ITPK1: variants seen among roughly 807,000 people sequenced by gnomAD.
ITPK1 encodes the protein inositol-tetrakisphosphate 1-kinase.
ITPK1 carries 21 observed loss-of-function variants against 45.3 expected under a neutral mutation model. The ratio of observed to expected loss-of-function variants is 0.46; its 90% CI spans 0.33 to 0.67. The LOEUF is 0.67. Among genes scored for constraint, ITPK1 ranks in the 30% least tolerant of loss-of-function variants. ITPK1 has a pLI of 0.02. For missense variants in ITPK1, 474 were observed against 573.5 expected, an observed-to-expected ratio of 0.83 and a Z score of 1.77; for synonymous variants, 258 against 253.6, an observed-to-expected ratio of 1.02 and a Z score of -0.16.
rs909648539 is a variant in ITPK1 at position 92,958,639 on chromosome 14, T to C, written c.505-273A>G. 2.6e-5 allele frequency among the ~76,000 whole-genome samples: 4 copies of C among 152,176 alleles called. No homozygotes were observed. The highest frequency in any genetic ancestry group is 2.0e-4 in the Admixed American group (3 of 15,288). ...AGCTGGCTGTGCACTGCACAACTTC[T>C]GAGAGCGTGACACCACTTGTCGCAC... On this transcript the variant is annotated intron_variant, in intron 7 of 10. Coordinates refer to ENST00000267615, the MANE Select transcript of ITPK1 (RefSeq NM_014216.6). This position sits in a 1 kb window ranked among gnomAD's most constrained non-coding sequence, Gnocchi z 4.4.
chr14:92,951,853 G>GGA, intron 9 of ITPK1, 93 bp downstream of exon 9: 1 of 981,534 alleles, frequency 1.0e-6, no homozygotes, highest in Admixed American at 2.0e-5. Context: ...CCCTGCTGGA[G>GGA]AGCTTGGCCA....
Position 92,993,028 on chromosome 14 carries a change from G to A in ITPK1, c.364+852C>T, listed in dbSNP as rs531843830. On this transcript the variant is annotated intron_variant, in intron 5 of 10. Coordinates refer to ENST00000267615, the MANE Select transcript of ITPK1 (RefSeq NM_014216.6). ...CCAAATGGTACCCACTGGTCCCACC[G>A]GTCACCATCACAGGAAATTATGCCC... Among the ~76,000 whole-genome samples the A allele has an allele frequency of 1.3e-4, 20 of 152,308 alleles. No individual in the cohort carries two copies. In the East Asian group the frequency reaches 3.5e-3, roughly 26 times the overall value.
intron 3 of ITPK1, among the ~76,000 whole-genome samples, chr14:93,042,833 C>T (rs1432318607): frequency 6.6e-6 from 1 of 152,130 alleles, no homozygotes; most frequent in African/African-American, 2.4e-5. Flanking sequence ...ACCTGAGCAA[C>T]ATGGTGAAAC....
chr14:93,072,029 C>A (rs1391840749), intron 3 of ITPK1: 2 of 151,628 alleles, frequency 1.3e-5, no homozygotes, highest in African/African-American at 2.4e-5. Flanking sequence ...CGCAGTGGTT[C>A]ACGCCTGTAA....
intron 2 of ITPK1, among the ~76,000 whole-genome samples, chr14:93,077,319 C>T (rs1172682528): frequency 2.6e-5 from 4 of 152,192 alleles, no homozygotes; most frequent in African/African-American, 7.2e-5. Context: ...CTCTTCCTGA[C>T]CCATTTCTTT....
chr14:92,999,680 G>T (rs983987330), intron 4 of ITPK1, among the ~76,000 whole-genome samples: 5 of 152,322 alleles, frequency 3.3e-5, no homozygotes, highest in African/African-American at 1.2e-4. Flanking sequence ...CCAGTTAACT[G>T]GGCCTTCCTC....
intron 3 of ITPK1, among the ~76,000 whole-genome samples, chr14:93,021,026 T>C (rs1053878098): frequency 6.6e-6 from 1 of 152,124 alleles, no homozygotes; most frequent in East Asian, 1.9e-4. Flanking sequence ...TGACACTCAA[T>C]AAATGTCAGC....
chr14:92,977,347 G>A (rs957372596), intron 5 of ITPK1, among the ~76,000 whole-genome samples: 8 of 152,316 alleles, frequency 5.3e-5, no homozygotes, highest in Non-Finnish European at 1.5e-5. Context: ...AGAGAATACT[G>A]GAGGAGTGAC....
chr14:93,030,902 G>A (rs1020068459), intron 3 of ITPK1, among the ~76,000 whole-genome samples: 3 of 152,154 alleles, frequency 2.0e-5, no homozygotes, highest in African/African-American at 7.2e-5. Flanking sequence ...CCGCACAAAG[G>A]AGGAACATCG....
At chr14:93,047,047 C>T (rs1329519364) in intron 3 of ITPK1, among the ~76,000 whole-genome samples, 3 of 152,268 alleles carry the variant, frequency 2.0e-5, no homozygotes, top group East Asian at 3.9e-4. Flanking sequence ...AAGAGGGGAC[C>T]GAACTGGGAG....
chr14:92,946,259 G>T, intron 10 of ITPK1, 72 bp downstream of exon 10: 5 of 1,556,396 alleles, frequency 3.2e-6, no homozygotes, highest in Non-Finnish European at 4.4e-6. Flanking sequence ...CAGTCACCCC[G>T]CCTCACCTGC....
chr14:92,990,569 A>G (rs1012125434), intron 5 of ITPK1, among the ~76,000 whole-genome samples: 2 of 152,240 alleles, frequency 1.3e-5, no homozygotes, highest in African/African-American at 4.8e-5. Context: ...AGGCAGAGAA[A>G]TGACCCTGCT....
intron 3 of ITPK1, among the ~76,000 whole-genome samples, chr14:93,030,692 GAA>G (rs926176395): frequency 9.2e-5 from 14 of 152,176 alleles, no homozygotes; most frequent in Non-Finnish European, 1.6e-4. Context: ...ACTCGTCAGA[GAA>G]GGCCTGGTAC....
At chr14:93,075,559 C>T (rs899109146) in intron 3 of ITPK1, among the ~76,000 whole-genome samples, 4 of 152,100 alleles carry the variant, frequency 2.6e-5, no homozygotes, top group Admixed American at 2.6e-4. Flanking sequence ...CAGCCCCACC[C>T]GTCAACCAGC....
chr14:93,047,108 G>A lies in ITPK1; in HGVS notation c.120+29487C>T, dbSNP rs144705636. On this transcript the variant is annotated intron_variant, in intron 3 of 10. Transcript: ENST00000267615. ...CCGGACTGGAAAGCTGGGGCCCTCA[G>A]GCCAAGCCGGGCTGCTGGTGAACCA... Among the ~76,000 whole-genome samples, 182 of 152,304 alleles carry A rather than the reference G, an allele frequency of 1.2e-3. 2 individuals carry two copies. Among genetic ancestry groups the A allele is most frequent in the African/African-American group, 4.2e-3 (173 of 41,582 alleles).
At chr14:93,028,311 G>A (rs755923871) in intron 3 of ITPK1, among the ~76,000 whole-genome samples, 5 of 152,184 alleles carry the variant, frequency 3.3e-5, no homozygotes, top group Non-Finnish European at 5.9e-5. Flanking sequence ...GAGGCCGCTG[G>A]TCTCCACTGG....
At chr14:92,999,457 C>T (rs1333844706) in intron 4 of ITPK1, among the ~76,000 whole-genome samples, 4 of 152,236 alleles carry the variant, frequency 2.6e-5, no homozygotes, top group African/African-American at 9.6e-5. Flanking sequence ...GCCTGAGCGC[C>T]GAGCGGGTAC....
At chr14:93,019,201 G>A (rs910536211) in intron 3 of ITPK1, among the ~76,000 whole-genome samples, 3 of 152,168 alleles carry the variant, frequency 2.0e-5, no homozygotes, top group Admixed American at 6.5e-5. Flanking sequence ...CAGGAGCGAC[G>A]CATCCGGGCC....
chr14:93,022,391 T>C (rs1459814079), intron 3 of ITPK1, among the ~76,000 whole-genome samples: 2 of 152,122 alleles, frequency 1.3e-5, no homozygotes, highest in East Asian at 3.9e-4. Flanking sequence ...CAAGAGCCAC[T>C]GAGATGGTGT....
Sources: gnomAD v4.1 joint callset for allele counts (sites outside exome capture counted in the v4.1 genomes callset) on GRCh38, gnomAD v4.1.1 for gene constraint, Gnocchi (gnomAD v3.1) non-coding constraint, MANE v1.5 for transcripts, NCBI Gene and HGNC (gene_info 2026-07-23, HGNC 2026-07-21) for gene names.